The following MAGI1 variants were observed in gnomAD, a reference collection of about 807,000 sequenced individuals.
The protein encoded by MAGI1 is membrane-associated guanylate kinase, WW and PDZ domain-containing protein 1.
A neutral mutation model predicts 139.9 loss-of-function variants in MAGI1; 58 were observed. The ratio of observed to expected loss-of-function variants is 0.41; its 90% CI spans 0.34 to 0.52. The LOEUF is 0.52. Among genes scored for constraint, MAGI1 ranks in the 20% least tolerant of loss-of-function variants. The pLI, the probability that MAGI1 is intolerant of heterozygous loss-of-function variation, is 0.12. For missense variants in MAGI1, 1,874 were observed against 1,901.6 expected (o/e 0.99, Z 0.27); for synonymous variants, 812 against 737.9 (o/e 1.10, Z -1.63).
chr3:65,967,350 C>G lies in MAGI1; in HGVS notation c.313+70646G>C, dbSNP rs1243436042. ...TCATAAGAAAACATCGGGAGGAGAGCAAGGAAGAGCCCAGAGTGTCATCTC... is the reference window on the plus strand; with the variant it reads ...TCATAAGAAAACATCGGGAGGAGAGGAAGGAAGAGCCCAGAGTGTCATCTC... On this transcript the variant is annotated intron_variant, in intron 1 of 22. Coordinates refer to ENST00000402939, the MANE Select transcript of MAGI1 (RefSeq NM_001033057.2). Among the ~76,000 whole-genome samples the G allele has an allele frequency of 2.6e-5, 4 of 152,096 alleles. No individual in the cohort carries two copies. The East Asian group carries it at 7.7e-4, about 29-fold the overall frequency.
chr3:65,648,316 T>TGTGTGTGTGTGTGTGTGC (rs71102873), intron 1 of MAGI1, among the ~76,000 whole-genome samples: 2 of 143,158 alleles, frequency 1.4e-5, no homozygotes, highest in East Asian at 4.0e-4. Flanking sequence ...TGTGTGTGTG[T>TGTGTGTGTGTGTGTGTGC]GCGCGTGCGC....
At chr3:65,956,382 G>A (rs539707058) in intron 1 of MAGI1, among the ~76,000 whole-genome samples, 37 of 152,196 alleles carry the variant, frequency 2.4e-4, no homozygotes, top group African/African-American at 7.7e-4. Flanking sequence ...GCCTGCCACC[G>A]GCATTTGGAC....
In MAGI1 at chr3:65,840,553, T is replaced by A. The variant is rs967794220; in HGVS notation, c.313+197443A>T. ...TTTCTTTCTTAGCCTGTCAATAAGGTGAATTACCTTGATTGATTTCTAAAT... is the reference window on the plus strand; with the variant it reads ...TTTCTTTCTTAGCCTGTCAATAAGGAGAATTACCTTGATTGATTTCTAAAT... On this transcript the variant is annotated intron_variant, in intron 1 of 22. Transcript: ENST00000402939. 2.6e-5 allele frequency among the ~76,000 whole-genome samples: 4 copies of A among 152,204 alleles called. No homozygotes were observed. In the East Asian group the frequency reaches 7.7e-4, roughly 29 times the overall value.
chr3:65,912,577 A>T (rs2108680623), intron 1 of MAGI1, among the ~76,000 whole-genome samples: 1 of 152,348 alleles, frequency 6.6e-6, no homozygotes, highest in East Asian at 1.9e-4. Context: ...ATTAGTTTGG[A>T]AAAGGAAGAC....
intron 1 of MAGI1, among the ~76,000 whole-genome samples, chr3:65,833,230 T>C (rs1472982330): frequency 6.6e-6 from 1 of 152,078 alleles, no homozygotes; most frequent in Non-Finnish European, 1.5e-5. Flanking sequence ...GAGATTCTCC[T>C]ACCTAAACCT....
chr3:65,741,009 T>A (rs72908225), intron 1 of MAGI1, among the ~76,000 whole-genome samples: 15 of 152,072 alleles, frequency 9.9e-5, no homozygotes, highest in Non-Finnish European at 2.1e-4. Context: ...CAGCTTTGGG[T>A]GAATAGTGAG....
At chr3:66,037,972 C>A in intron 1 of MAGI1, 24 bp downstream of exon 1, 1 of 1,528,436 alleles carries the variant, frequency 6.5e-7, no homozygotes, top group Non-Finnish European at 8.8e-7. Context: ...TCGGGGCGCC[C>A]CCCAAAGGCG....
At chr3:65,686,447 A>G (rs2088037427) in intron 1 of MAGI1, among the ~76,000 whole-genome samples, 1 of 151,988 alleles carries the variant, frequency 6.6e-6, no homozygotes, top group Non-Finnish European at 1.5e-5. Flanking sequence ...GCACACCACC[A>G]AGCCCAGCTA....
At chr3:65,698,281 G>A (rs1007068113) in intron 1 of MAGI1, among the ~76,000 whole-genome samples, 31 of 139,704 alleles carry the variant, frequency 2.2e-4, no homozygotes, top group African/African-American at 8.2e-4. Flanking sequence ...AATCAATATC[G>A]TGAAAATGGC....
chr3:65,517,061 T>G (rs996573076), intron 2 of MAGI1, among the ~76,000 whole-genome samples: 1 of 152,160 alleles, frequency 6.6e-6, no homozygotes, highest in Non-Finnish European at 1.5e-5. Flanking sequence ...TGAACTGGGA[T>G]TAAAACCCAG....
At chr3:65,579,529 C>T (rs1025403290) in intron 2 of MAGI1, among the ~76,000 whole-genome samples, 5 of 152,104 alleles carry the variant, frequency 3.3e-5, no homozygotes, top group Admixed American at 6.6e-5. Context: ...GGGATAAACA[C>T]GAATGGAGAA....
intron 1 of MAGI1, among the ~76,000 whole-genome samples, chr3:65,872,638 G>A (rs2059977758): frequency 6.6e-6 from 1 of 152,146 alleles, no homozygotes; most frequent in South Asian, 2.1e-4. Flanking sequence ...CAGCTTTATT[G>A]AAAATAGCCC....
At chr3:65,534,131 G>C (rs2078840488) in intron 2 of MAGI1, among the ~76,000 whole-genome samples, 2 of 152,068 alleles carry the variant, frequency 1.3e-5, no homozygotes, top group African/African-American at 4.8e-5. Context: ...ATAAATGTTT[G>C]TTGTATGTTT....
At chr3:65,598,016 T>C in intron 2 of MAGI1, 5 of 427,484 alleles carry the variant, frequency 1.2e-5, no homozygotes, top group South Asian at 8.5e-5. Flanking sequence ...GAAGAGGTGC[T>C]GGCAGCAGGA....
chr3:65,874,082 T>C (rs2060028893), intron 1 of MAGI1: 2 of 152,240 alleles, frequency 1.3e-5, no homozygotes, highest in Admixed American at 1.3e-4. Flanking sequence ...GCCCAAGCAT[T>C]CGATATTAGC....
At position 65,437,208 on chromosome 3, in the gene MAGI1, A is replaced by T. The variant is rs760229586; in HGVS notation, c.1310T>A (p.Ile437Asn). 6.2e-7 allele frequency: 1 copy of T among 1,612,628 alleles called. No individual in the cohort carries two copies. Among genetic ancestry groups the T allele is most frequent in the Non-Finnish European group, 8.5e-7 (1 of 1,178,798 alleles). Reference protein sequence around the residue: ...EDHSALVPPVIPNHPPSNPEP... With the variant: ...EDHSALVPPVNPNHPPSNPEP... ...TGGATTGCTTGGAGGGTGGTTTGGA[A>T]TAACAGGAGGCACAAGGGCTGAGTG... The change falls in exon 10 of 23, where the codon ATT becomes AAT. Residue 437 changes from isoleucine to asparagine, a missense_variant. Around this residue, in one of 5 missense-constraint regions of MAGI1, gnomAD observed 648 missense variants for 598.1 expected, o/e 1.08. Coordinates refer to ENST00000402939, the MANE Select transcript of MAGI1 (RefSeq NM_001033057.2).
chr3:65,798,986 A>C (rs2040338552), intron 1 of MAGI1, among the ~76,000 whole-genome samples: 1 of 152,180 alleles, frequency 6.6e-6, no homozygotes, highest in South Asian at 2.1e-4. Flanking sequence ...TGTGTTCAAG[A>C]AACCTTTATT....
intron 2 of MAGI1, among the ~76,000 whole-genome samples, chr3:65,565,812 G>A (rs1327523540): frequency 5.6e-5 from 8 of 143,468 alleles, no homozygotes; most frequent in Admixed American, 5.2e-4. Flanking sequence ...AGCCACGATC[G>A]CATCACTGCA....
intron 1 of MAGI1, among the ~76,000 whole-genome samples, chr3:65,957,925 C>T (rs1398296274): frequency 3.3e-5 from 5 of 151,854 alleles, no homozygotes; most frequent in Non-Finnish European, 7.4e-5. Flanking sequence ...TGCAGCACCA[C>T]GCGCAGCTAA....
Sources: allele counts gnomAD v4.1 joint callset (sites outside exome capture counted in the v4.1 genomes callset), GRCh38; gene constraint gnomAD v4.1.1; regional missense constraint gnomAD v4.1.1; transcripts MANE v1.5; gene names NCBI Gene and HGNC (gene_info 2026-07-23, HGNC 2026-07-21).